LARS2: variants seen among roughly 807,000 people sequenced by gnomAD.
The protein encoded by LARS2 is leucine--tRNA ligase, mitochondrial.
A neutral mutation model predicts 116.6 loss-of-function variants in LARS2; 81 were observed. The observed-to-expected ratio is 0.69, with a 90% CI of 0.58 to 0.84. The LOEUF is 0.84. Ranked by LOEUF, LARS2 falls within the 40% of genes least tolerant of loss-of-function variation. The pLI, the probability that LARS2 is intolerant of heterozygous loss-of-function variation, is 0.00. For synonymous variants in LARS2, 396 were observed against 407.2 expected (o/e 0.97, Z 0.33); for missense variants, 968 against 1,114.5 (o/e 0.87, Z 1.87).
At chr3:45,430,985 C>A (rs1248249162) in intron 6 of LARS2, among the ~76,000 whole-genome samples, 1 of 152,086 alleles carries the variant, frequency 6.6e-6, no homozygotes, top group South Asian at 2.1e-4. Context: ...GGAAGTAAAG[C>A]CCTTGGGAGA....
intron 4 of LARS2, among the ~76,000 whole-genome samples, chr3:45,416,216 A>G (rs1177632141): frequency 6.6e-6 from 1 of 151,386 alleles, no homozygotes; most frequent in Admixed American, 6.6e-5. Context: ...TGAACCCAGG[A>G]GACACTCCAA....
chr3:45,480,184 C>A (rs1279329246), intron 10 of LARS2, among the ~76,000 whole-genome samples: 1 of 151,964 alleles, frequency 6.6e-6, no homozygotes, highest in Non-Finnish European at 1.5e-5. Context: ...CTTCTGTGCT[C>A]AAAAAATCTG....
intron 20 of LARS2, among the ~76,000 whole-genome samples, chr3:45,536,087 G>T (rs1213182133): frequency 6.6e-6 from 1 of 152,008 alleles, no homozygotes; most frequent in African/African-American, 2.4e-5. Flanking sequence ...AGGGAGGAAG[G>T]AATTTATTTC....
intron 6 of LARS2, among the ~76,000 whole-genome samples, chr3:45,427,530 A>C (rs1452888880): frequency 6.6e-6 from 1 of 152,260 alleles, no homozygotes; most frequent in African/African-American, 2.4e-5. Flanking sequence ...TGAATAATAA[A>C]AACAACTTTT....
chr3:45,418,093 G>A (rs182610871), intron 5 of LARS2, among the ~76,000 whole-genome samples: 1 of 152,300 alleles, frequency 6.6e-6, no homozygotes, highest in East Asian at 1.9e-4. Context: ...TCCCACCCAA[G>A]CCTCAGGCTT....
intron 6 of LARS2, among the ~76,000 whole-genome samples, chr3:45,420,258 G>T (rs1447459072): frequency 6.6e-6 from 1 of 152,238 alleles, no homozygotes; most frequent in African/African-American, 2.4e-5. Flanking sequence ...TTCATGGAAA[G>T]CCACCTGGCT....
At chr3:45,500,642 T>C in intron 15 of LARS2, 63 bp downstream of exon 15, 2 of 1,283,238 alleles carry the variant, frequency 1.6e-6, no homozygotes, top group Non-Finnish European at 2.1e-6. Context: ...TAAGCAGGTG[T>C]CAGTTCTTCT....
intron 20 of LARS2, among the ~76,000 whole-genome samples, chr3:45,533,441 C>T (rs796842722): frequency 2.8e-4 from 42 of 152,270 alleles, no homozygotes; most frequent in African/African-American, 8.7e-4. Flanking sequence ...GCCACTGCGC[C>T]GGCCCCACAT....
chr3:45,413,931 C>T (rs893964692), intron 4 of LARS2, among the ~76,000 whole-genome samples: 1 of 152,134 alleles, frequency 6.6e-6, no homozygotes, highest in African/African-American at 2.4e-5. Context: ...TACAAGTGTG[C>T]TTGTGCTGGA....
intron 6 of LARS2, among the ~76,000 whole-genome samples, chr3:45,446,599 A>G (rs532776309): frequency 6.6e-6 from 1 of 152,346 alleles, no homozygotes; most frequent in South Asian, 2.1e-4. Context: ...AATTTTGTAC[A>G]ATGTAATTCA....
intron 8 of LARS2, among the ~76,000 whole-genome samples, chr3:45,467,785 C>T (rs1699451303): frequency 6.6e-6 from 1 of 152,122 alleles, no homozygotes; most frequent in African/African-American, 2.4e-5. Flanking sequence ...TTCTTCTCTT[C>T]CAAATTTTCC....
intron 20 of LARS2, among the ~76,000 whole-genome samples, chr3:45,539,855 A>G (rs1183614099): frequency 6.6e-6 from 1 of 151,320 alleles, no homozygotes; most frequent in East Asian, 1.9e-4. Context: ...ATGGGAAAAA[A>G]GAACATACAA....
intron 2 of LARS2, among the ~76,000 whole-genome samples, chr3:45,393,272 G>C (rs1697988583): frequency 6.6e-6 from 1 of 151,380 alleles, no homozygotes; most frequent in African/African-American, 2.4e-5. Context: ...TATGTAATAA[G>C]TGCTACGAAA....
chr3:45,499,814 CT>C (rs1428538683), intron 14 of LARS2, among the ~76,000 whole-genome samples: 2 of 151,854 alleles, frequency 1.3e-5, no homozygotes, highest in Non-Finnish European at 1.5e-5. Flanking sequence ...AGCAAGATGC[CT>C]TTTTTTGCTG....
intron 10 of LARS2, chr3:45,484,105 G>A (rs1205635226): frequency 6.6e-6 from 1 of 151,142 alleles, no homozygotes; most frequent in Non-Finnish European, 1.5e-5. Context: ...TACTCAGGAA[G>A]CTGAGGTGGG....
chr3:45,513,035 G>A, intron 15 of LARS2, 100 bp from the exon 16 acceptor site: 2 of 794,528 alleles, frequency 2.5e-6, no homozygotes, highest in Non-Finnish European at 4.4e-6. Context: ...TTTATGAGGG[G>A]CAGCTACTTC....
chr3:45,450,921 C>T (rs1699117193), intron 7 of LARS2, among the ~76,000 whole-genome samples: 1 of 152,126 alleles, frequency 6.6e-6, no homozygotes, highest in Non-Finnish European at 1.5e-5. Flanking sequence ...TTTTGATTTG[C>T]ACTTCCCTGA....
intron 14 of LARS2, among the ~76,000 whole-genome samples, chr3:45,496,910 C>T (rs533371697): frequency 2.6e-5 from 4 of 152,110 alleles, no homozygotes; most frequent in Non-Finnish European, 5.9e-5. Context: ...AAATACAAAA[C>T]GGAAAAAGAA....
intron 15 of LARS2, chr3:45,509,536 G>A (rs1012246965): frequency 6.6e-5 from 10 of 152,068 alleles, no homozygotes; most frequent in African/African-American, 2.2e-4. Context: ...TTATGAGCAT[G>A]TCCTGGGCTG....
Sources: gnomAD v4.1 joint callset for allele counts (sites outside exome capture counted in the v4.1 genomes callset) on GRCh38, gnomAD v4.1.1 for gene constraint, MANE v1.5 for transcripts, NCBI Gene and HGNC (gene_info 2026-07-23, HGNC 2026-07-21) for gene names.